The following PIGL variants were observed in gnomAD, a reference collection of about 807,000 sequenced individuals.
The protein encoded by PIGL is phosphatidylinositol glycan anchor biosynthesis class L.
PIGL carries 22 observed loss-of-function variants against 31.1 expected under a neutral mutation model. That is an observed-to-expected ratio of 0.71 (90% CI 0.51 to 1.01). PIGL has a LOEUF of 1.01. Among genes scored for constraint, PIGL ranks in the 50% least tolerant of loss-of-function variants. PIGL has a pLI of 0.00. For synonymous variants in PIGL, 131 were observed against 117.4 expected, an observed-to-expected ratio of 1.12 and a Z score of -0.75; for missense variants, 302 against 315.9, an observed-to-expected ratio of 0.96 and a Z score of 0.33.
chr17:16,299,886 A>G lies in PIGL; in HGVS notation c.336-2A>G, dbSNP rs369230457. On this transcript the variant is annotated splice_acceptor_variant, in intron 2 of 6. Transcript: ENST00000225609. LOFTEE classifies it high-confidence loss of function. ...TGTTCAAGTTGTGCTTCTCTCTTGT[A>G]GGGATTTCCCAGATGACCCAGGCAT... is the stretch of plus-strand genomic sequence containing the variant. The G allele has an allele frequency of 7.3e-5, 118 of 1,610,784 alleles. No homozygotes were observed. Among genetic ancestry groups the G allele is most frequent in the Non-Finnish European group, 8.5e-5 (100 of 1,177,060 alleles).
At chr17:16,233,879 T>C (rs973021378) in intron 1 of PIGL, 92 bp from the exon 2 acceptor site, 6 of 674,404 alleles carry the variant, frequency 8.9e-6, no homozygotes, top group Non-Finnish European at 1.6e-5. Context: ...CTTAAATCCT[T>C]TAAGGAACAA....
chr17:16,269,960 C>T (rs1010346035), intron 2 of PIGL, among the ~76,000 whole-genome samples: 1 of 152,032 alleles, frequency 6.6e-6, no homozygotes, highest in African/African-American at 2.4e-5. Flanking sequence ...AGAGCTGAAG[C>T]CATATCCTGT....
chr17:16,317,543 G>C, intron 5 of PIGL: 1 of 1,264,520 alleles, frequency 7.9e-7, no homozygotes, highest in Non-Finnish European at 1.0e-6. Flanking sequence ...TTTTCTGGTA[G>C]GGCACACCGC....
chr17:16,264,731 C>G (rs1442112678), intron 2 of PIGL, among the ~76,000 whole-genome samples: 1 of 151,854 alleles, frequency 6.6e-6, no homozygotes, highest in Non-Finnish European at 1.5e-5. Context: ...ACTGCAACCT[C>G]TGCCTCCCTG....
chr17:16,266,892 T>C (rs1416129030), intron 2 of PIGL, among the ~76,000 whole-genome samples: 2 of 112,700 alleles, frequency 1.8e-5, no homozygotes, highest in African/African-American at 7.1e-5. Flanking sequence ...CCACCACGCC[T>C]TGCTCTTTTT....
chr17:16,235,431 C>T (rs1251265021), intron 2 of PIGL, among the ~76,000 whole-genome samples: 5 of 141,984 alleles, frequency 3.5e-5, no homozygotes, highest in Non-Finnish European at 7.6e-5. Flanking sequence ...TGTATGTCTA[C>T]GTTCTTTTTT....
chr17:16,305,350 C>T (rs967100145), intron 3 of PIGL, among the ~76,000 whole-genome samples: 3 of 152,130 alleles, frequency 2.0e-5, no homozygotes, highest in Non-Finnish European at 4.4e-5. Flanking sequence ...GCAAAACTAT[C>T]CTAGGTGAGA....
At chr17:16,277,982 C>T (rs1033026190) in intron 2 of PIGL, among the ~76,000 whole-genome samples, 1 of 151,970 alleles carries the variant, frequency 6.6e-6, no homozygotes, top group Non-Finnish European at 1.5e-5. Context: ...TTTGACAGTG[C>T]TTCCTGTATG....
intron 2 of PIGL, among the ~76,000 whole-genome samples, chr17:16,271,055 T>C (rs958843930): frequency 3.3e-5 from 5 of 152,178 alleles, no homozygotes; most frequent in African/African-American, 1.2e-4. Context: ...TCATAGAATG[T>C]ATGTATTTCT....
chr17:16,262,769 T>C (rs1192424219), intron 2 of PIGL, among the ~76,000 whole-genome samples: 1 of 152,200 alleles, frequency 6.6e-6, no homozygotes, highest in African/African-American at 2.4e-5. Context: ...TATATGAATG[T>C]TCATAGCAAC....
chr17:16,304,571 A>T (rs2093018926), intron 3 of PIGL, among the ~76,000 whole-genome samples: 1 of 152,180 alleles, frequency 6.6e-6, no homozygotes, highest in Admixed American at 6.6e-5. Flanking sequence ...CAGCCTGGGC[A>T]ATATATCGAG....
chr17:16,217,959 C>T (rs2092602572), intron 1 of PIGL: 1 of 152,230 alleles, frequency 6.6e-6, no homozygotes, highest in Non-Finnish European at 1.5e-5. Flanking sequence ...ACATAGATGA[C>T]TAGATAGAAA....
chr17:16,267,699 AAAAGAAAAAAAG>A (rs1452220769), intron 2 of PIGL, among the ~76,000 whole-genome samples: 1 of 151,780 alleles, frequency 6.6e-6, no homozygotes, highest in African/African-American at 2.4e-5. Flanking sequence ...CATATCAAAA[AAAAGAAAAAAAG>A]AAAAAAAAAA....
chr17:16,325,382 T>C (rs896825158), intron 6 of PIGL, among the ~76,000 whole-genome samples: 9 of 150,466 alleles, frequency 6.0e-5, no homozygotes, highest in Admixed American at 5.3e-4. Flanking sequence ...AATCAATCAG[T>C]TGGCTCTGGG....
intron 1 of PIGL, among the ~76,000 whole-genome samples, chr17:16,222,712 T>TAA (rs879455312): frequency 3.4e-4 from 47 of 139,110 alleles, no homozygotes; most frequent in Non-Finnish European, 5.3e-4. Context: ...AAGCTGCTAT[T>TAA]AAAAAAAAAA....
At chr17:16,229,617 C>T (rs1314332592) in intron 1 of PIGL, among the ~76,000 whole-genome samples, 3 of 151,084 alleles carry the variant, frequency 2.0e-5, no homozygotes, top group Non-Finnish European at 4.4e-5. Flanking sequence ...AACTATGGTT[C>T]CAGTTTCTCC....
chr17:16,231,067 CTTTTTTTT>C (rs59390439), intron 1 of PIGL, among the ~76,000 whole-genome samples: 6,461 of 96,584 alleles, frequency 0.067, 218 homozygotes, highest in African/African-American at 0.15. Context: ...TTTGGTTTTT[CTTTTTTTT>C]TTTTTTTTTT....
chr17:16,252,222 T>G (rs2092775814), intron 2 of PIGL, among the ~76,000 whole-genome samples: 1 of 151,992 alleles, frequency 6.6e-6, no homozygotes, highest in Non-Finnish European at 1.5e-5. Context: ...TACAGGCACA[T>G]GCCAACACGC....
intron 2 of PIGL, among the ~76,000 whole-genome samples, chr17:16,282,250 C>T (rs1258319878): frequency 6.6e-6 from 1 of 152,168 alleles, no homozygotes; most frequent in Non-Finnish European, 1.5e-5. Flanking sequence ...CATCCCTTGG[C>T]TTATCCTCCT....
Sources: gnomAD v4.1 joint callset for allele counts (sites outside exome capture counted in the v4.1 genomes callset) on GRCh38, gnomAD v4.1.1 for gene constraint, MANE v1.5 for transcripts, NCBI Gene and HGNC (gene_info 2026-07-23, HGNC 2026-07-21) for gene names.